The following LRMDA variants were observed in gnomAD, a reference collection of about 807,000 sequenced individuals.
LRMDA encodes leucine-rich melanocyte differentiation-associated protein.
A neutral mutation model predicts 29.8 loss-of-function variants in LRMDA; 18 were observed. The observed-to-expected ratio is 0.60, with a 90% CI of 0.42 to 0.90. The LOEUF is 0.90. Ranked by LOEUF, LRMDA falls within the 40% of genes least tolerant of loss-of-function variation. The probability of loss-of-function intolerance (pLI) is 0.00; values close to 1 mark genes in which losing one functional copy is unlikely to be tolerated. For missense variants in LRMDA, 273 were observed against 273.9 expected, an observed-to-expected ratio of 1.00 and a Z score of 0.02; for synonymous variants, 125 against 109.4, an observed-to-expected ratio of 1.14 and a Z score of -0.89.
intron 2 of LRMDA, among the ~76,000 whole-genome samples, chr10:75,707,240 A>C (rs1192773828): frequency 3.3e-5 from 5 of 152,198 alleles, no homozygotes; most frequent in Non-Finnish European, 7.3e-5. Flanking sequence ...TGGAGGAACT[A>C]AGATGTGTCA....
At chr10:76,512,191 TCTC>T (rs1242935682) in intron 6 of LRMDA, among the ~76,000 whole-genome samples, 3 of 152,156 alleles carry the variant, frequency 2.0e-5, no homozygotes, top group African/African-American at 7.2e-5. Context: ...GTGCCTTTCA[TCTC>T]CTGCCATGAT....
intron 2 of LRMDA, among the ~76,000 whole-genome samples, chr10:75,935,163 C>CT (rs749410129): frequency 6.6e-6 from 1 of 152,212 alleles, no homozygotes; most frequent in Non-Finnish European, 1.5e-5. Context: ...CTGCTACTCT[C>CT]TCCCCACAAA....
intron 5 of LRMDA, among the ~76,000 whole-genome samples, chr10:76,252,874 G>T (rs1010951676): frequency 3.9e-5 from 6 of 152,190 alleles, no homozygotes; most frequent in Non-Finnish European, 7.3e-5. Context: ...CTCTACAGTT[G>T]TTGAGCAATA....
chr10:76,269,639 T>C (rs2132319423), intron 5 of LRMDA, among the ~76,000 whole-genome samples: 1 of 152,320 alleles, frequency 6.6e-6, no homozygotes, highest in East Asian at 1.9e-4. Context: ...AGTTCCCTGG[T>C]CCCTGATACT....
intron 5 of LRMDA, among the ~76,000 whole-genome samples, chr10:76,125,064 G>A (rs1451318390): frequency 6.6e-6 from 1 of 152,098 alleles, no homozygotes; most frequent in African/African-American, 2.4e-5. Context: ...ACGCTCAAAG[G>A]GGATTTAGAA....
At chr10:76,528,763 A>G (rs1365923607) in intron 6 of LRMDA, among the ~76,000 whole-genome samples, 1 of 152,156 alleles carries the variant, frequency 6.6e-6, no homozygotes, top group East Asian at 1.9e-4. Context: ...CATAGCTGTT[A>G]TGATATCACT....
chr10:75,932,978 G>C (rs1445838184), intron 2 of LRMDA, among the ~76,000 whole-genome samples: 2 of 152,196 alleles, frequency 1.3e-5, no homozygotes, highest in African/African-American at 2.4e-5. Context: ...TCAAGAATCA[G>C]TATTAATTCT....
intron 2 of LRMDA, among the ~76,000 whole-genome samples, chr10:75,984,546 T>C (rs796082695): frequency 1.3e-5 from 2 of 152,238 alleles, no homozygotes; most frequent in Non-Finnish European, 2.9e-5. Flanking sequence ...ACCTCCTTCA[T>C]GCTGCATGAG....
At chr10:76,378,752 AT>A (rs2132468095) in intron 6 of LRMDA, among the ~76,000 whole-genome samples, 1 of 149,782 alleles carries the variant, frequency 6.7e-6, no homozygotes, top group Non-Finnish European at 1.5e-5. Context: ...TATGTTTTTG[AT>A]GTGCTACTTA....
In LRMDA at chr10:76,462,505, C is replaced by G. The variant is rs140708234; in HGVS notation, c.602-94704C>G. ...CTTTTTGTTAACATTCTTCGATGCC[C>G]AATCTCACTTCCAGCTGCTTTGGGG... On this transcript the variant is annotated intron_variant, in intron 6 of 6. Coordinates refer to ENST00000611255, the MANE Select transcript of LRMDA (RefSeq NM_001305581.2). Among the ~76,000 whole-genome samples the G allele has an allele frequency of 2.5e-4, 38 of 152,334 alleles. No homozygotes were observed. In the East Asian group the frequency reaches 6.9e-3, roughly 28 times the overall value.
intron 2 of LRMDA, among the ~76,000 whole-genome samples, chr10:75,612,179 A>G (rs1841040589): frequency 6.6e-6 from 1 of 152,244 alleles, no homozygotes; most frequent in African/African-American, 2.4e-5. Context: ...AGAAGTGTGT[A>G]GAAAAATAAG....
At chr10:76,402,972 C>T (rs2132498685) in intron 6 of LRMDA, among the ~76,000 whole-genome samples, 1 of 151,990 alleles carries the variant, frequency 6.6e-6, no homozygotes, top group South Asian at 2.1e-4. Context: ...CCCACAGAAC[C>T]TCAAGGACTG....
chr10:75,804,983 A>T (rs1287739106), intron 2 of LRMDA, among the ~76,000 whole-genome samples: 1 of 152,116 alleles, frequency 6.6e-6, no homozygotes, highest in Non-Finnish European at 1.5e-5. Context: ...GGCATGTAGT[A>T]AGCAAACAAC....
chr10:75,868,305 TC>T (rs1385256602), intron 2 of LRMDA, among the ~76,000 whole-genome samples: 1 of 152,218 alleles, frequency 6.6e-6, no homozygotes, highest in African/African-American at 2.4e-5. Flanking sequence ...CATTAACACT[TC>T]CTAGCTGTGT....
intron 2 of LRMDA, among the ~76,000 whole-genome samples, chr10:75,691,615 A>G (rs1214932603): frequency 6.6e-6 from 1 of 152,166 alleles, no homozygotes. Context: ...ATAAGCTCAT[A>G]TGGATAAACA....
At position 75,708,121 on chromosome 10, in the gene LRMDA, A is replaced by AG. The variant is rs1842391630; in HGVS notation, c.131+269630dup. On this transcript the variant is annotated intron_variant, in intron 2 of 6. Transcript: ENST00000611255. ...TCCTTGAGCAAAGGGCCGCTCTGAC[A>AG]GGGATTATTATTTATTTGTCATCTT... Among the ~76,000 whole-genome samples the AG allele has an allele frequency of 2.6e-5, 4 of 152,270 alleles. No individual in the cohort carries two copies. In the South Asian group the frequency reaches 8.3e-4, roughly 32 times the overall value.
chr10:75,860,627 T>C (rs1287998563), intron 2 of LRMDA, among the ~76,000 whole-genome samples: 2 of 152,198 alleles, frequency 1.3e-5, no homozygotes, highest in Non-Finnish European at 2.9e-5. Context: ...TGGCACATTA[T>C]GATGTTTCTA....
chr10:76,295,058 A>G (rs1367371582), intron 5 of LRMDA, among the ~76,000 whole-genome samples: 1 of 152,208 alleles, frequency 6.6e-6, no homozygotes, highest in Admixed American at 6.5e-5. Flanking sequence ...GGAGATTAAG[A>G]TGGTACATAG....
chr10:76,189,788 T>C (rs983341645), intron 5 of LRMDA, among the ~76,000 whole-genome samples: 1 of 152,208 alleles, frequency 6.6e-6, no homozygotes, highest in Non-Finnish European at 1.5e-5. Flanking sequence ...GAGCACAAGA[T>C]GCTCTCAGAT....
Sources: gnomAD v4.1 joint callset for allele counts (sites outside exome capture counted in the v4.1 genomes callset) on GRCh38, gnomAD v4.1.1 for gene constraint, MANE v1.5 for transcripts, NCBI Gene and HGNC (gene_info 2026-07-23, HGNC 2026-07-21) for gene names.